Variants in UBASH3A observed in about 807,000 individuals in gnomAD.
UBASH3A encodes the protein ubiquitin-associated and SH3 domain-containing protein A.
A neutral mutation model predicts 73.5 loss-of-function variants in UBASH3A; 63 were observed. The observed-to-expected ratio is 0.86, with a 90% confidence interval of 0.70 to 1.06. UBASH3A has a LOEUF of 1.06. Among genes scored for constraint, UBASH3A ranks in the 50% least tolerant of loss-of-function variants. The pLI, the probability that UBASH3A is intolerant of heterozygous loss-of-function variation, is 0.00. For synonymous variants in UBASH3A, 363 were observed against 351.1 expected, an observed-to-expected ratio of 1.03 and a Z score of -0.38; for missense variants, 860 against 859.0, an observed-to-expected ratio of 1.00 and a Z score of -0.02.
rs371608236 is a variant in UBASH3A, at chr21:42,413,939, C to T, written c.667+416C>T. 1.1e-4 allele frequency among the ~76,000 whole-genome samples: 16 copies of T among 152,338 alleles called. No individual in the cohort carries two copies. The highest frequency in any genetic ancestry group is 3.9e-4 in the East Asian group (2 of 5,182). On this transcript the variant is annotated intron_variant, in intron 5 of 14. Coordinates refer to ENST00000319294, the MANE Select transcript of UBASH3A (RefSeq NM_018961.4). The surrounding 1 kb of genome is among the most constrained non-coding windows in gnomAD (Gnocchi z 4.5). ...TTAGTGGAAAGGATTGTGGACTTGA[C>T]GTCAGAAGATGTGATTTTTTTCTGT...
intron 10 of UBASH3A, among the ~76,000 whole-genome samples, chr21:42,437,214 G>A (rs1172807406): frequency 6.6e-6 from 1 of 152,236 alleles, no homozygotes; most frequent in Non-Finnish European, 1.5e-5. Context: ...TGACTGGCTG[G>A]AGATAATCAC....
intron 7 of UBASH3A, among the ~76,000 whole-genome samples, chr21:42,424,712 A>G (rs2053404244): frequency 6.6e-6 from 1 of 152,242 alleles, no homozygotes; most frequent in African/African-American, 2.4e-5. Context: ...GAAAGGTACA[A>G]TTAAGGGCTA....
rs1555870116 is a variant in UBASH3A, at chr21:42,434,867, A to T, written c.1306A>T (p.Ser436Cys). Residue 436 changes from serine to cysteine, a missense_variant, in exon 10 of 15, where the codon AGT becomes TGT. Ser to Cys is a moderately radical substitution (Grantham distance 112). Transcript: ENST00000319294. ...YYRPDLNFPC[S>C]LPRRSRGIKD... Reference sequence around the variant, plus strand: ...CAGGCCAGACCTGAATTTCCCCTGCAGTCTGCCAAGACGGAGTCGTGGGAT... The same window carrying T: ...CAGGCCAGACCTGAATTTCCCCTGCTGTCTGCCAAGACGGAGTCGTGGGAT... 6.2e-7 allele frequency: 1 copy of T among 1,614,212 alleles called. No homozygotes were observed. Among genetic ancestry groups the T allele is most frequent in the South Asian group, 1.1e-5 (1 of 91,084 alleles).
Position 42,404,055 on chromosome 21 carries a change from C to T in UBASH3A, c.110C>T (p.Thr37Ile). 3 of 1,509,046 alleles carry T rather than the reference C, an allele frequency of 2.0e-6. No individual in the cohort carries two copies. The highest frequency in any genetic ancestry group is 2.7e-6 in the Non-Finnish European group (3 of 1,121,862). 93.5% of individuals were successfully genotyped at this position (1,509,046 alleles called of 1,614,324 possible). The change falls in exon 1 of 15, where the codon ACC (threonine) becomes ATC (isoleucine). Residue 37 changes from threonine to isoleucine, a missense_variant. By Grantham distance (89) the Thr-to-Ile change is moderately conservative. Coordinates refer to ENST00000319294, the MANE Select transcript of UBASH3A (RefSeq NM_018961.4). ...CTGGCCATGGGCTTCCCGGTGCACACCGCGTGAGTACTGCCCAGAGACCCC... is the reference window on the plus strand; with the variant it reads ...CTGGCCATGGGCTTCCCGGTGCACATCGCGTGAGTACTGCCCAGAGACCCC... ...PLLAMGFPVH[T>I]ALKALAATGR...
rs568114965 is a variant in UBASH3A, at chr21:42,430,374, T to A, written c.1171-1729T>A. Among the ~76,000 whole-genome samples, 8 of 152,304 alleles carry A rather than the reference T, an allele frequency of 5.3e-5. 1 individual carries two copies. The highest frequency in any genetic ancestry group is 5.2e-4 in the Admixed American group (8 of 15,304). On this transcript the variant is annotated intron_variant, in intron 8 of 14. Transcript: ENST00000319294. ...TTTCCTCTCTAGGATTTGGAGGGAA[T>A]CAGGGCGATGCTGGGGCTGGTGTAT...
At chr21:42,423,551 C>T (rs542052048) in intron 7 of UBASH3A, among the ~76,000 whole-genome samples, 1 of 152,308 alleles carries the variant, frequency 6.6e-6, no homozygotes, top group East Asian at 1.9e-4. Flanking sequence ...TGTGGCCCCG[C>T]ATCATTTAGC....
chr21:42,411,042 G>A (rs13047735), intron 3 of UBASH3A, among the ~76,000 whole-genome samples: 22,421 of 133,482 alleles, frequency 0.17, 2,558 homozygotes, highest in African/African-American at 0.34. Flanking sequence ...ACGTACACAC[G>A]GCACACACAG....
At chr21:42,411,270 T>G (rs1280094602) in intron 3 of UBASH3A, among the ~76,000 whole-genome samples, 2 of 149,556 alleles carry the variant, frequency 1.3e-5, no homozygotes, top group Non-Finnish European at 3.0e-5. Flanking sequence ...ACACACTACA[T>G]GTACATAGGT....
chr21:42,424,969 G>A (rs1383669985), intron 7 of UBASH3A, among the ~76,000 whole-genome samples: 2 of 152,164 alleles, frequency 1.3e-5, no homozygotes, highest in African/African-American at 4.8e-5. Context: ...GGCCTCAAGA[G>A]AGACCAGCCT....
At chr21:42,421,434 T>G (rs189209044) in intron 7 of UBASH3A, among the ~76,000 whole-genome samples, 1 of 152,232 alleles carries the variant, frequency 6.6e-6, no homozygotes, top group African/African-American at 2.4e-5. Flanking sequence ...AAAACCATTT[T>G]ATATTTCACT....
chr21:42,432,226 A>G, intron 9 of UBASH3A, 24 bp downstream of exon 9: 1 of 1,502,088 alleles, frequency 6.7e-7, no homozygotes, highest in Non-Finnish European at 9.2e-7. Context: ...AGGCGGGTCT[A>G]CGGACAGAAA....
chr21:42,406,053 A>G (rs1428020462), intron 1 of UBASH3A, among the ~76,000 whole-genome samples: 1 of 149,124 alleles, frequency 6.7e-6, no homozygotes, highest in Admixed American at 6.7e-5. Flanking sequence ...CAGCCCTGAG[A>G]CCCCGTGCCA....
intron 9 of UBASH3A, among the ~76,000 whole-genome samples, chr21:42,433,972 A>C (rs1480042605): frequency 6.6e-5 from 10 of 152,046 alleles, no homozygotes; most frequent in Non-Finnish European, 1.3e-4. Flanking sequence ...CCTAATAACC[A>C]GGAGGCTTGG....
chr21:42,414,514 GT>G (rs2146512352), intron 5 of UBASH3A, among the ~76,000 whole-genome samples: 1 of 151,420 alleles, frequency 6.6e-6, no homozygotes, highest in East Asian at 2.0e-4. Context: ...AAAAATGTTT[GT>G]CCACCAGGAA....
In UBASH3A at chr21:42,427,429, T is replaced by C. The variant is rs113326048; in HGVS notation, c.1170+609T>C. 4.1e-3 allele frequency among the ~76,000 whole-genome samples: 627 copies of C among 152,318 alleles called. 3 individuals carry two copies. Among genetic ancestry groups the C allele is most frequent in the African/African-American group, 0.014 (585 of 41,576 alleles). Reference sequence around the variant, plus strand: ...GTACCTGCTGCTGGCCTTTGTCTGGTTGCCACAGTAGTGAAAATGCCTCTC... The same window carrying C: ...GTACCTGCTGCTGGCCTTTGTCTGGCTGCCACAGTAGTGAAAATGCCTCTC... On this transcript the variant is annotated intron_variant, in intron 8 of 14. Transcript: ENST00000319294.
At chr21:42,412,537 A>G (rs1601561774) in intron 3 of UBASH3A, among the ~76,000 whole-genome samples, 1 of 152,248 alleles carries the variant, frequency 6.6e-6, no homozygotes, top group Admixed American at 6.5e-5. Flanking sequence ...TCCCTGTGGA[A>G]CCCGACTCAG....
rs1429093901 is a variant in UBASH3A at position 42,404,034 on chromosome 21, C to A, written c.89C>A (p.Ala30Asp). ...SSPSLLEPLL[A>D]MGFPVHTALK... ...CCCTCGCTCCTGGAGCCCCTCCTGG[C>A]CATGGGCTTCCCGGTGCACACCGCG... is the stretch of plus-strand genomic sequence containing the variant. Residue 30 changes from alanine to aspartate, a missense_variant, in exon 1 of 15, where the codon GCC becomes GAC. Coordinates refer to ENST00000319294, the MANE Select transcript of UBASH3A (RefSeq NM_018961.4). 1.3e-6 allele frequency: 2 copies of A among 1,523,994 alleles called. No homozygotes were observed. The highest frequency in any genetic ancestry group is 5.1e-5 in the East Asian group (2 of 38,936). The allele number at this position is 1,523,994 out of a possible 1,614,324, so 94.4% of individuals were successfully genotyped here. A position where few individuals can be genotyped will look rare whatever the true frequency, so the allele number is the denominator to read the frequency against.
At chr21:42,444,935 G>A (rs1023432672) in intron 14 of UBASH3A, among the ~76,000 whole-genome samples, 1 of 152,176 alleles carries the variant, frequency 6.6e-6, no homozygotes, top group Non-Finnish European at 1.5e-5. Flanking sequence ...GGTCCAGGAA[G>A]GAGTAAGCAG....
intron 7 of UBASH3A, among the ~76,000 whole-genome samples, chr21:42,421,930 T>C (rs899850159): frequency 6.6e-6 from 1 of 152,224 alleles, no homozygotes; most frequent in Admixed American, 6.5e-5. Flanking sequence ...CAAGAAATAG[T>C]AGTAAAAATA....
Sources: gnomAD v4.1 joint callset for allele counts (sites outside exome capture counted in the v4.1 genomes callset) on GRCh38, gnomAD v4.1.1 for gene constraint, Gnocchi (gnomAD v3.1) non-coding constraint, MANE v1.5 for transcripts, NCBI Gene and HGNC (gene_info 2026-07-23, HGNC 2026-07-21) for gene names.